Variants in PDE7B observed in about 807,000 individuals in gnomAD.
The protein encoded by PDE7B is phosphodiesterase 7B.
In PDE7B, 29 loss-of-function variants were observed where a neutral mutation model predicts 56.2. The ratio of observed to expected loss-of-function variants is 0.52; its 90% confidence interval spans 0.38 to 0.70. The LOEUF (loss-of-function observed/expected upper bound fraction) is 0.70, where lower values mean the gene tolerates loss of function less well. Among genes scored for constraint, PDE7B ranks in the 30% least tolerant of loss-of-function variants. PDE7B has a pLI of 0.00. For synonymous variants in PDE7B, 197 were observed against 196.9 expected (o/e 1.00, Z 0.00); for missense variants, 490 against 565.0 (o/e 0.87, Z 1.35).
At chr6:136,164,107 C>G (rs960952421) in intron 8 of PDE7B, among the ~76,000 whole-genome samples, 5 of 152,268 alleles carry the variant, frequency 3.3e-5, no homozygotes, top group Non-Finnish European at 7.4e-5. Flanking sequence ...GGACATACCC[C>G]AGACTGGGTA....
At position 136,026,272 on chromosome 6, in the gene PDE7B, C is replaced by T. The variant is rs117948551; in HGVS notation, c.82+78748C>T. On this transcript the variant is annotated intron_variant, in intron 2 of 12. Coordinates refer to ENST00000308191, the MANE Select transcript of PDE7B (RefSeq NM_018945.4). ...TTTTTTAAAATGTTCATGTGAACCA[C>T]GTGCAACATGTTCTTCCTCTCTGGT... is the stretch of plus-strand genomic sequence containing the variant. Among the ~76,000 whole-genome samples, 1,091 of 152,232 alleles carry T rather than the reference C, an allele frequency of 7.2e-3. 10 individuals carry two copies. The highest frequency in any genetic ancestry group is 0.025 in the African/African-American group (1,038 of 41,522).
At chr6:135,870,826 A>G (rs1775364570) in intron 1 of PDE7B, among the ~76,000 whole-genome samples, 1 of 152,102 alleles carries the variant, frequency 6.6e-6, no homozygotes, top group South Asian at 2.1e-4. Context: ...TCACCTAGGA[A>G]GACAATGTAA....
At chr6:135,954,642 G>A (rs1442104301) in intron 2 of PDE7B, among the ~76,000 whole-genome samples, 3 of 152,146 alleles carry the variant, frequency 2.0e-5, no homozygotes, top group East Asian at 3.9e-4. Flanking sequence ...TTGCCACAGA[G>A]TATATTCTTG....
intron 1 of PDE7B, among the ~76,000 whole-genome samples, chr6:135,861,098 T>G (rs984811956): frequency 6.6e-6 from 1 of 151,978 alleles, no homozygotes; most frequent in Non-Finnish European, 1.5e-5. Flanking sequence ...TTTAATTATC[T>G]GAATACACGG....
chr6:136,175,744 T>C (rs1778966537), intron 9 of PDE7B, among the ~76,000 whole-genome samples: 1 of 152,164 alleles, frequency 6.6e-6, no homozygotes, highest in Non-Finnish European at 1.5e-5. Flanking sequence ...TTCAAATGGT[T>C]TCCAATATCC....
intron 2 of PDE7B, among the ~76,000 whole-genome samples, chr6:136,082,686 A>G (rs1777225025): frequency 6.6e-6 from 1 of 152,156 alleles, no homozygotes; most frequent in Admixed American, 6.5e-5. Flanking sequence ...AACATTCAGG[A>G]GTGTTTCTGA....
At position 136,190,324 on chromosome 6, in the gene PDE7B, T is replaced by C. The variant is rs368696767; in HGVS notation, c.1127-1290T>C. Among the ~76,000 whole-genome samples the C allele has an allele frequency of 2.6e-5, 4 of 152,318 alleles. No homozygotes were observed. In the East Asian group the frequency reaches 5.8e-4, roughly 22 times the overall value. ...CAGGTTCTCTACTATGATCTCACAA[T>C]CTTTAAATCATATTTCACATAAGAT... On this transcript the variant is annotated intron_variant, in intron 12 of 12. Transcript: ENST00000308191.
intron 1 of PDE7B, among the ~76,000 whole-genome samples, chr6:135,922,456 C>A (rs1016453232): frequency 6.6e-6 from 1 of 152,110 alleles, no homozygotes; most frequent in Non-Finnish European, 1.5e-5. Context: ...AGGAGCCATT[C>A]CAAAACAAAA....
At chr6:135,967,122 G>A (rs529606172) in intron 2 of PDE7B, among the ~76,000 whole-genome samples, 2 of 152,040 alleles carry the variant, frequency 1.3e-5, no homozygotes, top group South Asian at 4.2e-4. Flanking sequence ...GCTTATCCTG[G>A]TCAAAGCATT....
At chr6:135,869,204 C>T (rs1041568150) in intron 1 of PDE7B, among the ~76,000 whole-genome samples, 10 of 151,970 alleles carry the variant, frequency 6.6e-5, no homozygotes, top group South Asian at 2.1e-4. Flanking sequence ...AGACTGCTTT[C>T]GATGGTGTGA....
intron 2 of PDE7B, among the ~76,000 whole-genome samples, chr6:136,070,482 T>C (rs913245470): frequency 3.3e-5 from 5 of 152,176 alleles, no homozygotes; most frequent in Non-Finnish European, 7.4e-5. Flanking sequence ...TCAAATAATA[T>C]TAGCATAATC....
intron 2 of PDE7B, among the ~76,000 whole-genome samples, chr6:136,020,651 C>A (rs1009952253): frequency 1.7e-4 from 26 of 151,844 alleles, no homozygotes; most frequent in African/African-American, 5.5e-4. Flanking sequence ...ATTGAATTTT[C>A]TGTTGTCCAT....
intron 1 of PDE7B, among the ~76,000 whole-genome samples, chr6:135,931,656 T>C (rs1774293414): frequency 6.6e-6 from 1 of 152,148 alleles, no homozygotes; most frequent in South Asian, 2.1e-4. Context: ...ATGTCTCCTC[T>C]CTTAACAACT....
chr6:135,998,367 ATTAT>A (rs577660886), intron 2 of PDE7B, among the ~76,000 whole-genome samples: 2 of 152,214 alleles, frequency 1.3e-5, no homozygotes, highest in Non-Finnish European at 2.9e-5. Flanking sequence ...TATAATGCAG[ATTAT>A]TTATCTTATA....
intron 1 of PDE7B, among the ~76,000 whole-genome samples, chr6:135,874,237 T>C (rs1274557581): frequency 6.6e-6 from 1 of 152,172 alleles, no homozygotes; most frequent in African/African-American, 2.4e-5. Flanking sequence ...GTCGTGAGTC[T>C]CTCTGTTATC....
chr6:136,138,972 GT>G (rs1266852286), intron 3 of PDE7B, among the ~76,000 whole-genome samples: 1 of 151,772 alleles, frequency 6.6e-6, no homozygotes, highest in Non-Finnish European at 1.5e-5. Flanking sequence ...GGATTTTTTT[GT>G]TGTTTTTTAT....
At chr6:135,951,772 G>A (rs1055566903) in intron 2 of PDE7B, among the ~76,000 whole-genome samples, 2 of 151,820 alleles carry the variant, frequency 1.3e-5, no homozygotes, top group Non-Finnish European at 2.9e-5. Flanking sequence ...TTTGTCTCAT[G>A]TATGATTTCT....
At chr6:136,141,752 G>A (rs561614887) in intron 3 of PDE7B, among the ~76,000 whole-genome samples, 45 of 152,212 alleles carry the variant, frequency 3.0e-4, no homozygotes, top group Admixed American at 7.2e-4. Context: ...GTTTATTTGC[G>A]TACAGGTGTT....
intron 4 of PDE7B, among the ~76,000 whole-genome samples, chr6:136,148,571 A>AAAGGATAAAAAAATCATTCCTAACAGCTT (rs1778459813): frequency 6.6e-6 from 1 of 152,124 alleles, no homozygotes; most frequent in Admixed American, 6.5e-5. Flanking sequence ...TAGGCCTCCA[A>AAAGGATAAAAAAATCATTCCTAACAGCTT]AAGGATAAAA....
Sources: allele counts gnomAD v4.1 joint callset (sites outside exome capture counted in the v4.1 genomes callset), GRCh38; gene constraint gnomAD v4.1.1; transcripts MANE v1.5; gene names NCBI Gene and HGNC (gene_info 2026-07-23, HGNC 2026-07-21).